MRPL46: variants seen among roughly 807,000 people sequenced by gnomAD.
The protein encoded by MRPL46 is large ribosomal subunit protein mL46.
MRPL46 carries 26 observed loss-of-function variants against 31.0 expected under a neutral mutation model. That is an observed-to-expected ratio of 0.84 (90% CI 0.61 to 1.16). The LOEUF (loss-of-function observed/expected upper bound fraction) is 1.16, where lower values mean the gene tolerates loss of function less well. Ranked by LOEUF, MRPL46 falls within the 50% of genes most tolerant of loss-of-function variation. The pLI is 0.00. For synonymous variants in MRPL46, 159 were observed against 141.3 expected, an observed-to-expected ratio of 1.13 and a Z score of -0.89; for missense variants, 395 against 340.0, an observed-to-expected ratio of 1.16 and a Z score of -1.27.
chr15:88,467,141 C>T lies in MRPL46; in HGVS notation c.228+9G>A. The T allele has an allele frequency of 3.1e-6, 5 of 1,612,502 alleles. No individual in the cohort carries two copies. The highest frequency in any genetic ancestry group is 4.2e-6 in the Non-Finnish European group (5 of 1,178,684). ...AAACGTCACTCTGAACCCTGCATCTCAGTCCCACCTGCTGCAGTAGAGACG... is the reference window on the plus strand; with the variant it reads ...AAACGTCACTCTGAACCCTGCATCTTAGTCCCACCTGCTGCAGTAGAGACG... On this transcript the variant is annotated intron_variant, in intron 1 of 3. Transcript: ENST00000312475.
At chr15:88,459,943 G>A (rs2055462367) in intron 3 of MRPL46, 80 bp from the exon 4 acceptor site, 2 of 1,546,420 alleles carry the variant, frequency 1.3e-6, no homozygotes, top group Admixed American at 1.8e-5. Context: ...AAAATTATAG[G>A]GGGTCCCTGC....
In MRPL46 at chr15:88,466,332, C is replaced by A. The variant is rs2055532647; in HGVS notation, c.229-559G>T. 2.0e-5 allele frequency among the ~76,000 whole-genome samples: 3 copies of A among 152,234 alleles called. No individual in the cohort carries two copies. The South Asian group carries it at 6.2e-4, about 32-fold the overall frequency. On this transcript the variant is annotated intron_variant, in intron 1 of 3. Transcript: ENST00000312475. ...AAATGTGATGTATTTGTTAAACACT[C>A]TTATAGTGCCTTGTGTTTTCCTTAA... is the stretch of plus-strand genomic sequence containing the variant.
chr15:88,460,044 C>A, intron 3 of MRPL46, 181 bp from the exon 4 acceptor site: 1 of 714,608 alleles, frequency 1.4e-6, no homozygotes, highest in Non-Finnish European at 2.2e-6. Context: ...CCAAATGCCT[C>A]CTGGCCCATG....
chr15:88,462,460 A>G (rs1435515366), intron 3 of MRPL46: 3 of 152,276 alleles, frequency 2.0e-5, no homozygotes, highest in Non-Finnish European at 4.4e-5. Context: ...TAAACACATG[A>G]AGATACTGAA....
At chr15:88,461,554 T>C (rs1045571869) in intron 3 of MRPL46, 2 of 152,210 alleles carry the variant, frequency 1.3e-5, no homozygotes, top group African/African-American at 4.8e-5. Flanking sequence ...AACAACAACA[T>C]ATATCATTAT....
Position 88,460,503 on chromosome 15 carries a change from A to G in MRPL46, c.590-640T>C, listed in dbSNP as rs1464765831. On this transcript the variant is annotated intron_variant, in intron 3 of 3. Transcript: ENST00000312475. Reference sequence around the variant, plus strand: ...CTGTAATCTATAACTAAGGGTTAACAACCCCAATTCAGCATTTCAAATGAT... The same window carrying G: ...CTGTAATCTATAACTAAGGGTTAACGACCCCAATTCAGCATTTCAAATGAT... 3 of 152,606 alleles carry G rather than the reference A, an allele frequency of 2.0e-5. No homozygotes were observed. In the East Asian group the frequency reaches 5.8e-4, roughly 29 times the overall value. The allele number at this position is 152,606 out of a possible 1,614,324, so 9.5% of individuals were successfully genotyped here. A position where few individuals can be genotyped will look rare whatever the true frequency, so the allele number is the denominator to read the frequency against.
At position 88,463,599 on chromosome 15, in the gene MRPL46, G is replaced by A. The variant is rs2055496092; in HGVS notation, c.589+1104C>T. ...GGAGCCTAGAGAGAGGAGTAGCTCT[G>A]TCTTCCTGAAGGCTCAGGAAAGGTT... is the stretch of plus-strand genomic sequence containing the variant. On this transcript the variant is annotated intron_variant, in intron 3 of 3. Coordinates refer to ENST00000312475, the MANE Select transcript of MRPL46 (RefSeq NM_022163.4). The surrounding 1 kb of genome is among the most constrained non-coding windows in gnomAD (Gnocchi z 5.4). 6.6e-6 allele frequency: 1 copy of A among 152,204 alleles called. No homozygotes were observed. Among genetic ancestry groups the A allele is most frequent in the Non-Finnish European group, 1.5e-5 (1 of 68,044 alleles). 9.4% of individuals were successfully genotyped at this position (152,204 alleles called of 1,614,324 possible).
chr15:88,464,535 TA>T (rs902057581), intron 3 of MRPL46, 167 bp downstream of exon 3: 22 of 662,692 alleles, frequency 3.3e-5, no homozygotes, highest in South Asian at 8.6e-5. Flanking sequence ...AAAAAAAAAA[TA>T]AAAAAAATCC....
At chr15:88,460,038 A>C in intron 3 of MRPL46, 175 bp from the exon 4 acceptor site, 4 of 734,216 alleles carry the variant, frequency 5.4e-6, no homozygotes, top group Non-Finnish European at 8.6e-6. Context: ...CTCAATCCAA[A>C]TGCCTCCTGG....
intron 2 of MRPL46, 27 bp from the exon 3 acceptor site, chr15:88,464,903 A>G: frequency 6.2e-7 from 1 of 1,600,084 alleles, no homozygotes; most frequent in South Asian, 1.1e-5. Context: ...CAGAGGAGGT[A>G]AGAAGACTGT....
chr15:88,465,910 G>T, intron 1 of MRPL46, 137 bp from the exon 2 acceptor site: 1 of 777,962 alleles, frequency 1.3e-6, no homozygotes, highest in Non-Finnish European at 1.9e-6. Flanking sequence ...CAGATACACA[G>T]TCAAAACACC....
At position 88,465,672 on chromosome 15, in the gene MRPL46, A is replaced by G; in HGVS notation, c.330T>C (p.Asp110=). The G allele has an allele frequency of 1.2e-6, 2 of 1,613,828 alleles. No individual in the cohort carries two copies. Among genetic ancestry groups the G allele is most frequent in the Non-Finnish European group, 8.5e-7 (1 of 1,179,980 alleles). ...KKKADLHDEE[D]EQDILLAQDL... ...CTTGCGCCAGCAATATATCCTGTTCATCTTCTTCATCATGAAGGTCAGCTT... is the reference window on the plus strand; with the variant it reads ...CTTGCGCCAGCAATATATCCTGTTCGTCTTCTTCATCATGAAGGTCAGCTT... The change falls in exon 2 of 4, where the codon GAT becomes GAC. Residue 110 remains aspartate, a synonymous_variant. Coordinates refer to ENST00000312475, the MANE Select transcript of MRPL46 (RefSeq NM_022163.4).
In MRPL46 at chr15:88,467,269, CGGCTGCAAGAGCCA is replaced by C; in HGVS notation, c.95_108del (p.Leu32ArgfsTer42). 6.2e-7 allele frequency: 1 copy of C among 1,613,776 alleles called. No homozygotes were observed. On this transcript the variant is annotated frameshift_variant, in exon 1 of 4. Coordinates refer to ENST00000312475, the MANE Select transcript of MRPL46 (RefSeq NM_022163.4). LOFTEE classifies it high-confidence loss of function. ...CATGGGGATCCGTTGCTTGAGGGTG[CGGCTGCAAGAGCCA>C]GGCTGCGAGAGCTTAGACTGCCGGC...
In MRPL46 at chr15:88,459,595, C is replaced by A. The variant is rs776615042; in HGVS notation, c.*18G>T. The A allele has an allele frequency of 4.3e-6, 7 of 1,613,356 alleles. No homozygotes were observed. Among genetic ancestry groups the A allele is most frequent in the Non-Finnish European group, 5.9e-6 (7 of 1,179,948 alleles). On this transcript the variant is annotated 3_prime_UTR_variant, in exon 4 of 4. Transcript: ENST00000312475. ...ATCCCAGACTTGTCTGAGCACCGTC[C>A]ACAGGCAGCTCGGCCCATCAGAGGT...
chr15:88,459,967 G>A, intron 3 of MRPL46, 104 bp from the exon 4 acceptor site: 1 of 1,422,836 alleles, frequency 7.0e-7, no homozygotes, highest in Non-Finnish European at 9.5e-7. Flanking sequence ...ATCTGGCCCT[G>A]AGGTAAAATC....
chr15:88,461,289 TA>T (rs1215590988), intron 3 of MRPL46: 1 of 151,984 alleles, frequency 6.6e-6, no homozygotes, highest in Admixed American at 6.6e-5. Context: ...AAGAAGCACT[TA>T]AAAATCAATG....
intron 2 of MRPL46, 161 bp from the exon 3 acceptor site, chr15:88,465,037 G>T: frequency 1.5e-6 from 1 of 647,206 alleles, no homozygotes; most frequent in Non-Finnish European, 2.4e-6. Context: ...ACCTCTTCCA[G>T]GGAAGAGTCT....
At position 88,467,284 on chromosome 15, in the gene MRPL46, G is replaced by C; in HGVS notation, c.94C>G (p.Leu32Val). The change falls in exon 1 of 4, where the codon CTG becomes GTG. Residue 32 changes from leucine (L) to valine (V), a missense_variant. Leu to Val is a conservative substitution (Grantham distance 32). Transcript: ENST00000312475. The part of the protein sequence containing the change: ...LWAGSLSSRS[L>V]ALAAAPSSNG... ...CTTGAGGGTGCGGCTGCAAGAGCCA[G>C]GCTGCGAGAGCTTAGACTGCCGGCC... is the stretch of plus-strand genomic sequence containing the variant. 1 of 1,613,432 alleles carries C rather than the reference G, an allele frequency of 6.2e-7. No individual in the cohort carries two copies. Among genetic ancestry groups the C allele is most frequent in the Non-Finnish European group, 8.5e-7 (1 of 1,179,776 alleles).
intron 3 of MRPL46, chr15:88,461,037 A>C (rs1482421944): frequency 6.6e-6 from 1 of 152,242 alleles, no homozygotes; most frequent in Non-Finnish European, 1.5e-5. Context: ...CAATAAAAAC[A>C]CATGAGCATT....
Sources: allele counts gnomAD v4.1 joint callset (sites outside exome capture counted in the v4.1 genomes callset), GRCh38; gene constraint gnomAD v4.1.1; non-coding constraint Gnocchi (gnomAD v3.1); transcripts MANE v1.5; gene names NCBI Gene and HGNC (gene_info 2026-07-23, HGNC 2026-07-21).